LCOR: variants seen among roughly 807,000 people sequenced by gnomAD.
LCOR encodes the protein ligand-dependent corepressor.
Under a neutral mutation model 64.4 loss-of-function variants are expected in LCOR, and 14 were observed. That is an observed-to-expected ratio of 0.22 (90% CI 0.14 to 0.34). The LOEUF (loss-of-function observed/expected upper bound fraction) is 0.34. LCOR is among the 10% of genes least tolerant of loss of function. The pLI, the probability that LCOR is intolerant of heterozygous loss-of-function variation, is 1.00. For synonymous variants in LCOR, 643 were observed against 642.5 expected (o/e 1.00, Z -0.01); for missense variants, 1,686 against 1,765.3 (o/e 0.96, Z 0.80).
At chr10:96,978,298 A>G (rs1292376538) in intron 7 of LCOR, among the ~76,000 whole-genome samples, 1 of 152,230 alleles carries the variant, frequency 6.6e-6, no homozygotes, top group Non-Finnish European at 1.5e-5. Context: ...GCCTGTTCCA[A>G]AGGAAGAAGA....
Position 96,949,236 on chromosome 10 carries a change from A to C in LCOR, c.179A>C (p.Asp60Ala), listed in dbSNP as rs1469926249. ...GTGCTCAGCAAACTTCTCATGGCTG[A>C]CCAAGACTCACCTCTGGACCTTACT... The part of the protein sequence containing the change: ...NPVLSKLLMA[D>A]QDSPLDLTVR... The change falls in exon 6 of 8, where the codon GAC becomes GCC. Residue 60 changes from aspartate (D) to alanine (A), a missense_variant. Around this residue, in one of 3 missense-constraint regions of LCOR, gnomAD observed 80 missense variants for 107.7 expected, o/e 0.74. Transcript: ENST00000421806. 6.2e-7 allele frequency: 1 copy of C among 1,614,168 alleles called. No individual in the cohort carries two copies. The highest frequency in any genetic ancestry group is 1.7e-5 in the Admixed American group (1 of 60,022).
chr10:96,930,840 G>T (rs974633356), intron 4 of LCOR, among the ~76,000 whole-genome samples: 1 of 152,108 alleles, frequency 6.6e-6, no homozygotes, highest in Non-Finnish European at 1.5e-5. Context: ...ATGTGAGAGC[G>T]CAGCAAGAAG....
chr10:96,834,855 TTAGTTAC>T (rs1461149239), intron 2 of LCOR, among the ~76,000 whole-genome samples: 1 of 152,182 alleles, frequency 6.6e-6, no homozygotes, highest in Non-Finnish European at 1.5e-5. Flanking sequence ...TAGTTAGTGG[TTAGTTAC>T]TGCTGCTTGA....
intron 4 of LCOR, among the ~76,000 whole-genome samples, chr10:96,920,464 A>G (rs1429237745): frequency 2.2e-5 from 2 of 92,810 alleles, no homozygotes; most frequent in African/African-American, 1.0e-4. Context: ...GTATATTCAT[A>G]TATGTGTATA....
chr10:96,941,367 G>T (rs1847470493), intron 4 of LCOR, among the ~76,000 whole-genome samples: 1 of 143,200 alleles, frequency 7.0e-6, no homozygotes, highest in East Asian at 2.1e-4. Context: ...CGGCCGGGCA[G>T]AGGCGCCCCT....
intron 2 of LCOR, among the ~76,000 whole-genome samples, chr10:96,866,822 TGCCTTG>T: frequency 6.6e-6 from 1 of 152,020 alleles, no homozygotes; most frequent in Non-Finnish European, 1.5e-5. Context: ...GTGATCTGCC[TGCCTTG>T]GCCTCCCAAA....
chr10:96,957,829 A>G, intron 7 of LCOR: 1 of 985,750 alleles, frequency 1.0e-6, no homozygotes, highest in Non-Finnish European at 1.2e-6. Flanking sequence ...TGTTTTGGTT[A>G]TTTTGTGTAG....
chr10:96,835,423 A>G (rs924487977), intron 2 of LCOR, among the ~76,000 whole-genome samples: 9 of 152,206 alleles, frequency 5.9e-5, no homozygotes, highest in African/African-American at 1.4e-4. Flanking sequence ...AGTAACATAT[A>G]TTCATAGTCT....
intron 4 of LCOR, among the ~76,000 whole-genome samples, chr10:96,911,843 A>G (rs1027426311): frequency 6.6e-6 from 1 of 152,250 alleles, no homozygotes; most frequent in South Asian, 2.1e-4. Context: ...AGGAAGCTTA[A>G]TAAACTTGGA....
intron 2 of LCOR, among the ~76,000 whole-genome samples, chr10:96,863,450 C>T (rs1425335457): frequency 6.6e-6 from 1 of 152,120 alleles, no homozygotes; most frequent in Admixed American, 6.6e-5. Context: ...GTGATCTACC[C>T]ACCTCGGCCT....
At chr10:96,861,743 GCCAT>G (rs1418116246) in intron 2 of LCOR, among the ~76,000 whole-genome samples, 1 of 152,062 alleles carries the variant, frequency 6.6e-6, no homozygotes, top group African/African-American at 2.4e-5. Context: ...ATGGGGTTTC[GCCAT>G]GTTGGCCAGG....
intron 7 of LCOR, chr10:96,955,712 A>G (rs773750012): frequency 6.2e-7 from 1 of 1,614,184 alleles, no homozygotes; most frequent in East Asian, 2.2e-5. Flanking sequence ...TTATGAGTGG[A>G]AAAATGAGTG....
intron 7 of LCOR, chr10:96,964,502 G>A (rs1847928639): frequency 6.6e-6 from 1 of 151,890 alleles, no homozygotes; most frequent in Non-Finnish European, 1.5e-5. Flanking sequence ...CAAAAAATGG[G>A]TAAAAGTTGG....
intron 2 of LCOR, among the ~76,000 whole-genome samples, chr10:96,836,352 T>C (rs1210024207): frequency 1.3e-5 from 2 of 152,158 alleles, no homozygotes; most frequent in African/African-American, 4.8e-5. Flanking sequence ...AAACTCCTCC[T>C]GTCTCAGCCT....
chr10:96,832,726 C>T (rs1366179533), intron 1 of LCOR, among the ~76,000 whole-genome samples: 1 of 151,024 alleles, frequency 6.6e-6, no homozygotes, highest in Non-Finnish European at 1.5e-5. Flanking sequence ...CCTGCTCCCG[C>T]TCCAGGCCCG....
intron 7 of LCOR, among the ~76,000 whole-genome samples, chr10:96,969,946 ATTTTTTTT>A (rs751045855): frequency 4.4e-5 from 3 of 67,734 alleles, no homozygotes; most frequent in East Asian, 5.4e-4. Context: ...CACCTGGATA[ATTTTTTTT>A]TTTTTTTTTT....
chr10:96,859,334 C>A (rs1845851737), intron 2 of LCOR, among the ~76,000 whole-genome samples: 1 of 151,976 alleles, frequency 6.6e-6, no homozygotes, highest in Non-Finnish European at 1.5e-5. Flanking sequence ...CTCAGCCTCC[C>A]AAGTAGCTGG....
chr10:96,873,773 T>C (rs1380600653), intron 2 of LCOR, among the ~76,000 whole-genome samples: 1 of 152,068 alleles, frequency 6.6e-6, no homozygotes, highest in Non-Finnish European at 1.5e-5. Flanking sequence ...CCGGATAATT[T>C]TTATAGTTTT....
chr10:96,968,264 C>T (rs1430905511), intron 7 of LCOR, among the ~76,000 whole-genome samples: 1 of 152,154 alleles, frequency 6.6e-6, no homozygotes, highest in East Asian at 1.9e-4. Context: ...TCCCTCCTCA[C>T]ACAATGAGGT....
Sources: allele counts gnomAD v4.1 joint callset (sites outside exome capture counted in the v4.1 genomes callset), GRCh38; gene constraint gnomAD v4.1.1; regional missense constraint gnomAD v4.1.1; transcripts MANE v1.5; gene names NCBI Gene and HGNC (gene_info 2026-07-23, HGNC 2026-07-21).